Variants in RFX2 observed in about 807,000 individuals in gnomAD.
RFX2 encodes DNA-binding protein RFX2.
RFX2 carries 20 observed loss-of-function variants against 87.8 expected under a neutral mutation model. The observed-to-expected ratio is 0.23, with a 90% CI of 0.16 to 0.33. RFX2 has a LOEUF of 0.33. Ranked by LOEUF, RFX2 falls within the 10% of genes least tolerant of loss-of-function variation. The pLI, the probability that RFX2 is intolerant of heterozygous loss-of-function variation, is 1.00. For missense variants in RFX2, 767 were observed against 1,012.3 expected, an observed-to-expected ratio of 0.76 and a Z score of 3.29; for synonymous variants, 397 against 431.3, an observed-to-expected ratio of 0.92 and a Z score of 0.98.
rs1013338749 is a variant in RFX2 at position 5,993,910 on chromosome 19, A to G, written c.*925T>C. ...GCGGGACGCAGGCACTGCTGTTTGGACGACACGCGGGATGGCTGCTTTCTG... is the reference window on the plus strand; with the variant it reads ...GCGGGACGCAGGCACTGCTGTTTGGGCGACACGCGGGATGGCTGCTTTCTG... On this transcript the variant is annotated 3_prime_UTR_variant, in exon 18 of 18. Coordinates refer to ENST00000303657, the MANE Select transcript of RFX2 (RefSeq NM_000635.4). The G allele has an allele frequency of 2.6e-5, 4 of 152,200 alleles. No homozygotes were observed. The highest frequency in any genetic ancestry group is 5.9e-5 in the Non-Finnish European group (4 of 68,050). The allele number at this position is 152,200 out of a possible 1,614,324, so 9.4% of individuals were successfully genotyped here.
At chr19:6,019,291 G>A (rs1371045210) in intron 6 of RFX2, among the ~76,000 whole-genome samples, 3 of 152,162 alleles carry the variant, frequency 2.0e-5, no homozygotes, top group African/African-American at 7.2e-5. Flanking sequence ...GGACATCAGA[G>A]TTTTCACTTT....
At position 6,044,857 on chromosome 19, in the gene RFX2, C is replaced by T. The variant is rs535658444; in HGVS notation, c.91-575G>A. ...TACAGAATACTCGAGTCCAGGTGCC[C>T]TGTGTCTGGGTCCCTCGCTCTCTGA... On this transcript the variant is annotated intron_variant, in intron 2 of 17. Transcript: ENST00000303657. The surrounding 1 kb of genome is among the most constrained non-coding windows in gnomAD (Gnocchi z 5.3). Among the ~76,000 whole-genome samples the T allele has an allele frequency of 9.2e-5, 14 of 152,342 alleles. No individual in the cohort carries two copies. The highest frequency in any genetic ancestry group is 4.6e-4 in the Admixed American group (7 of 15,308).
intron 1 of RFX2, among the ~76,000 whole-genome samples, chr19:6,084,550 A>G (rs970851076): frequency 6.6e-6 from 1 of 151,498 alleles, no homozygotes; most frequent in Non-Finnish European, 1.5e-5. Context: ...GGCACCCACC[A>G]TTCTACTTTC....
chr19:6,031,000 A>T (rs1195445874), intron 5 of RFX2, among the ~76,000 whole-genome samples: 1 of 152,184 alleles, frequency 6.6e-6, no homozygotes, highest in African/African-American at 2.4e-5. Flanking sequence ...TAACTTTGAG[A>T]AGTTGTCAGG....
At chr19:6,003,778 CAAAAAAAAAAAAAAA>C (rs57470328) in intron 13 of RFX2, among the ~76,000 whole-genome samples, 4 of 42,006 alleles carry the variant, frequency 9.5e-5, no homozygotes, top group East Asian at 5.5e-4. Context: ...GACTCTGTCT[CAAAAAAAAAAAAAAA>C]AAAAAAAAAA....
intron 7 of RFX2, among the ~76,000 whole-genome samples, chr19:6,015,614 A>T (rs2086715559): frequency 6.6e-6 from 1 of 151,878 alleles, no homozygotes; most frequent in Non-Finnish European, 1.5e-5. Flanking sequence ...TCAGTCTCCC[A>T]AATAGGTGAA....
At chr19:6,090,011 G>A (rs1272211298) in intron 1 of RFX2, among the ~76,000 whole-genome samples, 1 of 152,066 alleles carries the variant, frequency 6.6e-6, no homozygotes, top group Non-Finnish European at 1.5e-5. Flanking sequence ...ACTCAGGCTG[G>A]AGTACAGTGG....
intron 1 of RFX2, among the ~76,000 whole-genome samples, chr19:6,059,136 C>T (rs900409162): frequency 1.3e-5 from 2 of 152,112 alleles, no homozygotes; most frequent in African/African-American, 2.4e-5. Context: ...AGCACCAGCA[C>T]GCCCGGCTAA....
At chr19:6,042,703 C>A (rs1156676106) in intron 3 of RFX2, among the ~76,000 whole-genome samples, 1 of 152,148 alleles carries the variant, frequency 6.6e-6, no homozygotes, top group African/African-American at 2.4e-5. Flanking sequence ...GAAGGAGCGG[C>A]ATGCCTGGAG....
At chr19:6,059,311 A>G (rs1009141370) in intron 1 of RFX2, among the ~76,000 whole-genome samples, 1 of 152,154 alleles carries the variant, frequency 6.6e-6, no homozygotes, top group African/African-American at 2.4e-5. Context: ...AAATTGTCCA[A>G]ACTAAAGTAT....
chr19:6,066,273 G>A (rs138532223), intron 1 of RFX2, among the ~76,000 whole-genome samples: 296 of 152,160 alleles, frequency 1.9e-3, no homozygotes, highest in Middle Eastern at 3.4e-3. Flanking sequence ...TTCTTAACAG[G>A]AACATTGAGC....
At chr19:6,028,420 A>G (rs1568514367) in intron 5 of RFX2, among the ~76,000 whole-genome samples, 1 of 152,216 alleles carries the variant, frequency 6.6e-6, no homozygotes, top group Non-Finnish European at 1.5e-5. Context: ...CTTTTCAGAT[A>G]ACTGGGGATA....
intron 5 of RFX2, among the ~76,000 whole-genome samples, chr19:6,034,508 T>A (rs549517352): frequency 6.6e-6 from 1 of 152,146 alleles, no homozygotes; most frequent in Non-Finnish European, 1.5e-5. Flanking sequence ...ATTACAGGCA[T>A]GAGCCACCAT....
chr19:5,995,874 C>A (rs1311419117), intron 16 of RFX2, among the ~76,000 whole-genome samples: 1 of 152,164 alleles, frequency 6.6e-6, no homozygotes, highest in Non-Finnish European at 1.5e-5. Context: ...GCTGACTACT[C>A]GGGGCAGCGA....
chr19:6,061,268 T>G lies in RFX2; in HGVS notation c.-8-13764A>C, dbSNP rs1274529998. 1.3e-5 allele frequency among the ~76,000 whole-genome samples: 2 copies of G among 152,184 alleles called. No homozygotes were observed. The highest frequency in any genetic ancestry group is 2.9e-5 in the Non-Finnish European group (2 of 68,020). On this transcript the variant is annotated intron_variant, in intron 1 of 17. Transcript: ENST00000303657. The surrounding 1 kb of genome is among the most constrained non-coding windows in gnomAD (Gnocchi z 5.2). ...TCTCCCAGCCAATTTTCTTTCACAT[T>G]GGGGTGATTCAAAAGATAACAATGT...
At chr19:6,078,005 C>T (rs1022871401) in intron 1 of RFX2, 1 of 142,170 alleles carries the variant, frequency 7.0e-6, no homozygotes. Flanking sequence ...AAAAAAGGAA[C>T]GAGGCACTGG....
intron 3 of RFX2, 58 bp from the exon 4 acceptor site, chr19:6,042,181 A>G: frequency 6.8e-7 from 1 of 1,461,884 alleles, no homozygotes; most frequent in African/African-American, 1.4e-5. Flanking sequence ...TTGCCTGCAG[A>G]TTATTCAAGC....
At chr19:6,036,096 G>A (rs1447449113) in intron 5 of RFX2, among the ~76,000 whole-genome samples, 2 of 152,150 alleles carry the variant, frequency 1.3e-5, no homozygotes, top group African/African-American at 2.4e-5. Flanking sequence ...ACTGTTATAA[G>A]TTGATGCCGT....
intron 1 of RFX2, among the ~76,000 whole-genome samples, chr19:6,096,610 C>T (rs964628774): frequency 6.6e-6 from 1 of 152,190 alleles, no homozygotes. Context: ...CCATGCCCGA[C>T]TAATTTTTTA....
Sources: allele counts gnomAD v4.1 joint callset (sites outside exome capture counted in the v4.1 genomes callset), GRCh38; gene constraint gnomAD v4.1.1; non-coding constraint Gnocchi (gnomAD v3.1); transcripts MANE v1.5; gene names NCBI Gene and HGNC (gene_info 2026-07-23, HGNC 2026-07-21).